The following NOL3 variants were observed in gnomAD, a reference collection of about 807,000 sequenced individuals.
NOL3 encodes the protein muscle-enriched cytoplasmic protein.
Under a neutral mutation model 19.2 loss-of-function variants are expected in NOL3, and 18 were observed. The observed-to-expected ratio is 0.94, with a 90% CI of 0.65 to 1.39. The LOEUF (loss-of-function observed/expected upper bound fraction) is 1.39. NOL3 is among the 40% of genes most tolerant of loss of function. The pLI is 0.00. For missense variants in NOL3, 290 were observed against 289.5 expected (o/e 1.00, Z -0.01); for synonymous variants, 127 against 137.3 (o/e 0.93, Z 0.52).
At chr16:67,175,596 ACAT>A (rs2032134635) in exon 4 of NOL3, 1 of 157,938 alleles carries the variant, frequency 6.3e-6, no homozygotes, top group Admixed American at 6.2e-5. Flanking sequence ...AAGGCCACAC[ACAT>A]CATTGTCATT....
chr16:67,175,435 T>C, exon 4 of NOL3: 1 of 884,420 alleles, frequency 1.1e-6, no homozygotes, highest in Non-Finnish European at 1.4e-6. Flanking sequence ...CTTGGCAGCA[T>C]ATGTAGGTAC....
At chr16:67,173,132 A>G (rs1021901647) in intron 1 of NOL3, 15 of 151,272 alleles carry the variant, frequency 9.9e-5, no homozygotes, top group Admixed American at 9.9e-4. Flanking sequence ...AAATAGTGCG[A>G]TCCATGGAGG....
intron 1 of NOL3, chr16:67,171,762 T>C (rs995284460): frequency 6.6e-6 from 1 of 152,186 alleles, no homozygotes; most frequent in African/African-American, 2.4e-5. Context: ...TCAAAGTCAC[T>C]GTGCTATCGG....
chr16:67,172,843 C>A (rs1284696982), intron 1 of NOL3: 1 of 151,262 alleles, frequency 6.6e-6, no homozygotes, highest in Admixed American at 6.6e-5. Context: ...CCTGTAATCC[C>A]AGCACTTTGG....
exon 4 of NOL3, chr16:67,175,134 C>T: frequency 6.2e-7 from 1 of 1,613,206 alleles, no homozygotes; most frequent in Non-Finnish European, 8.5e-7. Context: ...CGGATGCCAC[C>T]AAGGCTCGGT....
chr16:67,175,088 T>C (rs2032094495), exon 4 of NOL3: 2 of 1,614,126 alleles, frequency 1.2e-6, no homozygotes, highest in Non-Finnish European at 1.7e-6. Flanking sequence ...GCCCCGCCCA[T>C]GCTGGATAGG....
At chr16:67,172,365 C>T (rs1304940552) in intron 1 of NOL3, among the ~76,000 whole-genome samples, 1 of 152,116 alleles carries the variant, frequency 6.6e-6, no homozygotes, top group East Asian at 1.9e-4. Flanking sequence ...GTAATCCCAA[C>T]ACTTTGGGAG....
At chr16:67,175,308 C>T in exon 4 of NOL3, 1 of 1,406,468 alleles carries the variant, frequency 7.1e-7, no homozygotes, top group South Asian at 1.6e-5. Context: ...AGTCCTCAGC[C>T]CTAATCTGCC....
At chr16:67,175,064 CT>C in exon 4 of NOL3, 1 of 1,614,252 alleles carries the variant, frequency 6.2e-7, no homozygotes, top group South Asian at 1.1e-5. Context: ...AAGGCCAGAG[CT>C]CTGACAGGCG....
In NOL3 at chr16:67,174,472, C is replaced by T. The variant is rs1459272309; in HGVS notation, c.295+8C>T. The T allele has an allele frequency of 8.1e-6, 12 of 1,481,184 alleles. No homozygotes were observed. The East Asian group carries it at 2.6e-4, about 33-fold the overall frequency. 91.8% of individuals were successfully genotyped at this position (1,481,184 alleles called of 1,614,324 possible). ...GGCAGCACGTGGGTCCGGGTGAGCG[C>T]GCGGGGCGGGGCCTAGGGCAGAGCA... On this transcript the variant is annotated splice_region_variant and intron_variant, in intron 2 of 3. Coordinates refer to ENST00000268605, the Ensembl canonical transcript of NOL3.
intron 1 of NOL3, 155 bp from the exon 2 acceptor site, chr16:67,174,007 G>C: frequency 1.3e-6 from 2 of 1,543,316 alleles, no homozygotes; most frequent in Non-Finnish European, 1.7e-6. Flanking sequence ...TTGGCCTCCA[G>C]GTCCTGTGCT....
intron 1 of NOL3, chr16:67,172,725 G>C (rs1358769951): frequency 2.6e-5 from 4 of 151,774 alleles, no homozygotes; most frequent in South Asian, 4.2e-4. Flanking sequence ...ACAAAGTGCT[G>C]GTAATCCCAG....
chr16:67,171,441 G>C (rs551429575), intron 1 of NOL3: 1 of 152,406 alleles, frequency 6.6e-6, no homozygotes, highest in Non-Finnish European at 1.5e-5. Context: ...CAAAGGCTCC[G>C]AGGTGCCAGA....
chr16:67,172,340 C>A (rs1352772627), intron 1 of NOL3, among the ~76,000 whole-genome samples: 1 of 152,062 alleles, frequency 6.6e-6, no homozygotes, highest in Non-Finnish European at 1.5e-5. Flanking sequence ...CAGCTGGGTG[C>A]GGTGGCTCAT....
In NOL3 at chr16:67,170,947, A is replaced by G. The variant is rs2031715025; in HGVS notation, c.-9+373A>G. ...GAAGAATCGGACCTGTCACCCTCGA[A>G]GGACTGGCCGCTAAATAACTTCGGT... On this transcript the variant is annotated intron_variant, in intron 1 of 3. Coordinates refer to ENST00000268605, the Ensembl canonical transcript of NOL3. This position sits in a 1 kb window ranked among gnomAD's most constrained non-coding sequence, Gnocchi z 5.7. Among the ~76,000 whole-genome samples the G allele has an allele frequency of 6.6e-6, 1 of 152,216 alleles. No homozygotes were observed. Among genetic ancestry groups the G allele is most frequent in the Non-Finnish European group, 1.5e-5 (1 of 68,042 alleles).
chr16:67,174,777 A>G (rs1567676882), exon 3 of NOL3: 5 of 1,607,876 alleles, frequency 3.1e-6, no homozygotes, highest in Non-Finnish European at 4.2e-6. Context: ...GGGACCCCGG[A>G]GGAGCCAGAG....
chr16:67,170,848 GC>G lies in NOL3; in HGVS notation c.-9+276del, dbSNP rs761978434. On this transcript the variant is annotated intron_variant, in intron 1 of 3. Coordinates refer to ENST00000268605, the Ensembl canonical transcript of NOL3. This position sits in a 1 kb window ranked among gnomAD's most constrained non-coding sequence, Gnocchi z 5.7. The stretch of plus-strand genomic sequence containing the variant: ...ACTGTCCCAAGACCCTGGCTTCCTG[GC>G]CAAAGAGCCCGCGCAGCGAGGTGGG... Among the ~76,000 whole-genome samples the G allele has an allele frequency of 7.2e-5, 11 of 152,230 alleles. No individual in the cohort carries two copies. Among genetic ancestry groups the G allele is most frequent in the Non-Finnish European group, 1.6e-4 (11 of 68,040 alleles).
exon 2 of NOL3, chr16:67,174,336 G>T: frequency 6.3e-7 from 1 of 1,596,970 alleles, no homozygotes; most frequent in Non-Finnish European, 8.5e-7. Context: ...GATGCCGAGC[G>T]CAGGGTGCGC....
intron 1 of NOL3, among the ~76,000 whole-genome samples, chr16:67,173,559 C>T (rs1324283880): frequency 2.0e-5 from 3 of 151,938 alleles, no homozygotes; most frequent in African/African-American, 2.4e-5. Context: ...TCAGAGGGGA[C>T]TGGAGGATAG....
Sources: allele counts gnomAD v4.1 joint callset (sites outside exome capture counted in the v4.1 genomes callset), GRCh38; gene constraint gnomAD v4.1.1; non-coding constraint Gnocchi (gnomAD v3.1); transcripts MANE v1.5; gene names NCBI Gene and HGNC (gene_info 2026-07-23, HGNC 2026-07-21).